RBMS3: variants seen among roughly 807,000 people sequenced by gnomAD.
The protein encoded by RBMS3 is RNA binding motif single stranded interacting protein 3, also known as RNA-binding motif, single-stranded-interacting protein 3.
Under a neutral mutation model 66.8 loss-of-function variants are expected in RBMS3, and 27 were observed. The observed-to-expected ratio is 0.40, with a 90% CI of 0.30 to 0.56. The LOEUF is 0.56. Among genes scored for constraint, RBMS3 ranks in the 20% least tolerant of loss-of-function variants. The pLI, the probability that RBMS3 is intolerant of heterozygous loss-of-function variation, is 0.40. For synonymous variants in RBMS3, 188 were observed against 183.0 expected, an observed-to-expected ratio of 1.03 and a Z score of -0.22; for missense variants, 513 against 549.5, an observed-to-expected ratio of 0.93 and a Z score of 0.66.
chr3:29,745,247 T>TG (rs919815737), intron 5 of RBMS3, among the ~76,000 whole-genome samples: 4 of 121,592 alleles, frequency 3.3e-5, no homozygotes, highest in South Asian at 3.4e-4. Context: ...TGTGTGTGTG[T>TG]GTTTTTTTTT....
chr3:29,699,737 C>T (rs1186848795), intron 4 of RBMS3, among the ~76,000 whole-genome samples: 2 of 152,134 alleles, frequency 1.3e-5, no homozygotes, highest in Non-Finnish European at 2.9e-5. Flanking sequence ...AACGTACAGA[C>T]ATATTACACC....
In RBMS3 at chr3:29,434,895, C is replaced by A. The variant is rs1251583659; in HGVS notation, c.228C>A (p.Asp76Glu). ...TCCCACCAGGCACCACTGACCAGGA[C>A]CTAATCAAGCTGTGCCAACCGTAAG... is the stretch of plus-strand genomic sequence containing the variant. ...RGLPPGTTDQ[D>E]LIKLCQPYGK... The change falls in exon 2 of 15, where the codon GAC becomes GAA. Residue 76 changes from aspartate to glutamate, a missense_variant. Transcript: ENST00000383767. 6.8e-6 allele frequency: 11 copies of A among 1,613,688 alleles called. No homozygotes were observed. Among genetic ancestry groups the A allele is most frequent in the Non-Finnish European group, 9.3e-6 (11 of 1,179,780 alleles).
chr3:29,768,053 T>A (rs1229380309), intron 6 of RBMS3, among the ~76,000 whole-genome samples: 1 of 152,028 alleles, frequency 6.6e-6, no homozygotes, highest in African/African-American at 2.4e-5. Flanking sequence ...AAAGCATCAC[T>A]TGTATAACAT....
At chr3:29,797,090 G>A (rs1251292377) in intron 6 of RBMS3, among the ~76,000 whole-genome samples, 1 of 152,024 alleles carries the variant, frequency 6.6e-6, no homozygotes, top group Non-Finnish European at 1.5e-5. Context: ...TTGAGGCCAG[G>A]CATTGTCTTC....
intron 5 of RBMS3, 80 bp from the exon 6 acceptor site, chr3:29,762,830 G>T: frequency 2.1e-6 from 2 of 974,164 alleles, no homozygotes; most frequent in Admixed American, 2.6e-5. Flanking sequence ...TATTTCTATG[G>T]CTTTCTTGTT....
chr3:29,389,870 A>T (rs183870866), intron 1 of RBMS3, among the ~76,000 whole-genome samples: 2 of 152,278 alleles, frequency 1.3e-5, no homozygotes, highest in African/African-American at 4.8e-5. Context: ...TATTAGTGGT[A>T]GCTCCAGAAT....
intron 2 of RBMS3, among the ~76,000 whole-genome samples, chr3:29,463,453 A>G (rs1490136740): frequency 2.0e-5 from 3 of 152,138 alleles, no homozygotes; most frequent in Non-Finnish European, 4.4e-5. Context: ...TTCTTCAGAG[A>G]CAAGGTATGT....
chr3:29,624,357 G>C (rs1374360605), intron 4 of RBMS3, among the ~76,000 whole-genome samples: 1 of 152,154 alleles, frequency 6.6e-6, no homozygotes, highest in Admixed American at 6.5e-5. Context: ...TTTTTTTAAA[G>C]CTTTGTTGCT....
chr3:29,897,139 T>C (rs913627159), intron 8 of RBMS3, among the ~76,000 whole-genome samples: 12 of 151,710 alleles, frequency 7.9e-5, no homozygotes, highest in African/African-American at 2.9e-4. Context: ...TAAACTTATC[T>C]GGCATAAGAA....
intron 1 of RBMS3, among the ~76,000 whole-genome samples, chr3:29,383,052 C>A (rs557404276): frequency 1.3e-5 from 2 of 152,182 alleles, no homozygotes; most frequent in Admixed American, 1.3e-4. Flanking sequence ...GGAAATATAC[C>A]CTTCATCTGT....
intron 6 of RBMS3, among the ~76,000 whole-genome samples, chr3:29,835,868 G>T (rs1188166368): frequency 6.6e-6 from 1 of 151,140 alleles, no homozygotes; most frequent in African/African-American, 2.4e-5. Flanking sequence ...AACAAAATTG[G>T]CAAACCTTCA....
At chr3:29,855,578 A>G (rs2059052644) in intron 6 of RBMS3, among the ~76,000 whole-genome samples, 1 of 152,206 alleles carries the variant, frequency 6.6e-6, no homozygotes, top group Admixed American at 6.5e-5. Context: ...TCTTTTAGAA[A>G]ATAGGGGAAA....
chr3:29,728,988 A>G (rs1293316555), intron 4 of RBMS3, among the ~76,000 whole-genome samples: 1 of 151,968 alleles, frequency 6.6e-6, no homozygotes, highest in East Asian at 1.9e-4. Flanking sequence ...AAATATATAT[A>G]TATATTTTAT....
chr3:29,947,570 T>C (rs1695403865), intron 12 of RBMS3, among the ~76,000 whole-genome samples: 4 of 151,462 alleles, frequency 2.6e-5, no homozygotes, highest in African/African-American at 7.3e-5. Context: ...AGGCCTTACC[T>C]AGCTCATTTC....
chr3:29,473,884 C>T (rs745829905), intron 2 of RBMS3, among the ~76,000 whole-genome samples: 2 of 152,258 alleles, frequency 1.3e-5, no homozygotes, highest in East Asian at 3.9e-4. Context: ...CGCGCCTCTC[C>T]CTCCATACCT....
chr3:29,638,738 G>A (rs958167608), intron 4 of RBMS3, among the ~76,000 whole-genome samples: 7 of 151,746 alleles, frequency 4.6e-5, no homozygotes, highest in South Asian at 2.1e-4. Context: ...AACACATCCC[G>A]TAATTTCTCC....
At chr3:29,378,530 T>G (rs1327091616) in intron 1 of RBMS3, among the ~76,000 whole-genome samples, 3 of 151,448 alleles carry the variant, frequency 2.0e-5, no homozygotes, top group Admixed American at 2.0e-4. Flanking sequence ...ATAGAGGTAT[T>G]GTGAGGATTA....
At chr3:29,549,415 T>C (rs926747923) in intron 3 of RBMS3, among the ~76,000 whole-genome samples, 2 of 146,910 alleles carry the variant, frequency 1.4e-5, no homozygotes, top group Admixed American at 6.8e-5. Flanking sequence ...TTTTTTTTTT[T>C]CTGAGACGGA....
intron 5 of RBMS3, among the ~76,000 whole-genome samples, chr3:29,746,503 C>G (rs998435822): frequency 6.6e-6 from 1 of 152,150 alleles, no homozygotes; most frequent in African/African-American, 2.4e-5. Context: ...AATTCTTCTT[C>G]TAATTGCCAT....
Sources: allele counts gnomAD v4.1 joint callset (sites outside exome capture counted in the v4.1 genomes callset), GRCh38; gene constraint gnomAD v4.1.1; transcripts MANE v1.5; gene names NCBI Gene and HGNC (gene_info 2026-07-23, HGNC 2026-07-21).